COL19A1: variants seen among roughly 807,000 people sequenced by gnomAD.
COL19A1 encodes the protein collagen type XIX alpha 1 chain.
Under a neutral mutation model 190.2 loss-of-function variants are expected in COL19A1, and 159 were observed. That is an observed-to-expected ratio of 0.84 (90% CI 0.73 to 0.95). The LOEUF (loss-of-function observed/expected upper bound fraction) is 0.95, where lower values mean the gene tolerates loss of function less well. Among genes scored for constraint, COL19A1 ranks in the 40% least tolerant of loss-of-function variants. The pLI is 0.00. For synonymous variants in COL19A1, 509 were observed against 458.9 expected (o/e 1.11, Z -1.39); for missense variants, 1,418 against 1,431.9 (o/e 0.99, Z 0.16).
chr6:70,031,680 A>G (rs1004215212), intron 12 of COL19A1, among the ~76,000 whole-genome samples: 1 of 152,184 alleles, frequency 6.6e-6, no homozygotes, highest in Admixed American at 6.5e-5. Context: ...TTGTGTATAT[A>G]TAACACCTTT....
chr6:70,173,803 G>A (rs562781214), intron 41 of COL19A1, among the ~76,000 whole-genome samples: 4 of 152,252 alleles, frequency 2.6e-5, no homozygotes, highest in South Asian at 2.1e-4. Context: ...AAGTAGGGTC[G>A]AGGTTTTATA....
At chr6:69,896,418 T>C (rs1041154444) in intron 2 of COL19A1, among the ~76,000 whole-genome samples, 11 of 151,576 alleles carry the variant, frequency 7.3e-5, no homozygotes, top group Admixed American at 7.2e-4. Context: ...GTGCCTGTAG[T>C]CCCAGCTACT....
intron 46 of COL19A1, among the ~76,000 whole-genome samples, chr6:70,186,581 G>T (rs886367732): frequency 2.6e-5 from 4 of 152,244 alleles, no homozygotes; most frequent in Admixed American, 2.6e-4. Flanking sequence ...AGTAGTCATA[G>T]TTAAAAGAAT....
intron 1 of COL19A1, among the ~76,000 whole-genome samples, chr6:69,870,033 G>C (rs1183059923): frequency 2.6e-5 from 4 of 152,164 alleles, no homozygotes; most frequent in Non-Finnish European, 5.9e-5. Context: ...TATGTTCACT[G>C]AGCTTTCTTT....
intron 2 of COL19A1, chr6:69,890,518 G>A (rs1769274083): frequency 6.6e-6 from 1 of 152,112 alleles, no homozygotes; most frequent in Non-Finnish European, 1.5e-5. Flanking sequence ...TCTAGTCCAA[G>A]CTACCATCAT....
intron 4 of COL19A1, among the ~76,000 whole-genome samples, chr6:69,919,690 G>A (rs936567799): frequency 2.0e-5 from 3 of 151,996 alleles, no homozygotes; most frequent in African/African-American, 7.2e-5. Flanking sequence ...TTAATAAAAT[G>A]TTATTTTTTA....
At chr6:70,090,924 T>C (rs960154152) in intron 15 of COL19A1, among the ~76,000 whole-genome samples, 1 of 152,166 alleles carries the variant, frequency 6.6e-6, no homozygotes, top group Non-Finnish European at 1.5e-5. Flanking sequence ...TTCCCTCTAC[T>C]GGACAGCTTT....
intron 14 of COL19A1, among the ~76,000 whole-genome samples, chr6:70,041,446 T>C (rs1424972161): frequency 6.6e-6 from 1 of 152,128 alleles, no homozygotes; most frequent in African/African-American, 2.4e-5. Flanking sequence ...TCTTGTTAGA[T>C]TTTAAGTAAT....
intron 14 of COL19A1, among the ~76,000 whole-genome samples, chr6:70,061,446 G>A (rs1212741635): frequency 6.6e-6 from 1 of 151,912 alleles, no homozygotes; most frequent in Non-Finnish European, 1.5e-5. Context: ...CAGAGTCATG[G>A]TAACATCTAG....
intron 4 of COL19A1, among the ~76,000 whole-genome samples, chr6:69,903,605 A>G (rs1332805013): frequency 1.3e-5 from 2 of 152,160 alleles, no homozygotes; most frequent in African/African-American, 2.4e-5. Flanking sequence ...TTATCCATAA[A>G]TGCACCCATC....
chr6:70,137,408 T>G (rs1785939653), intron 18 of COL19A1, among the ~76,000 whole-genome samples: 1 of 152,190 alleles, frequency 6.6e-6, no homozygotes, highest in Non-Finnish European at 1.5e-5. Flanking sequence ...TAGATAGATA[T>G]TCTTTCCTGG....
At chr6:70,165,909 AC>A in intron 36 of COL19A1, 31 bp from the exon 37 acceptor site, 1 of 1,608,950 alleles carries the variant, frequency 6.2e-7, no homozygotes, top group Non-Finnish European at 8.5e-7. Flanking sequence ...AGAAACGTCT[AC>A]GCCGCTGATA....
intron 7 of COL19A1, among the ~76,000 whole-genome samples, chr6:69,936,386 T>C (rs1773112927): frequency 6.6e-6 from 1 of 152,154 alleles, no homozygotes; most frequent in Non-Finnish European, 1.5e-5. Flanking sequence ...AACCATATTT[T>C]ATAGGTTCAA....
At chr6:69,936,609 C>G (rs914317074) in intron 7 of COL19A1, among the ~76,000 whole-genome samples, 176 bp from the exon 8 acceptor site, 23 of 152,080 alleles carry the variant, frequency 1.5e-4, no homozygotes, top group Admixed American at 1.3e-4. Flanking sequence ...CCCATGGGCT[C>G]AGGCGGAAAG....
At chr6:69,939,267 G>A (rs1773304338) in intron 9 of COL19A1, among the ~76,000 whole-genome samples, 1 of 152,076 alleles carries the variant, frequency 6.6e-6, no homozygotes. Context: ...TGATTCTAAA[G>A]ACCACTTCAA....
At chr6:69,917,558 A>AT (rs1771388549) in intron 4 of COL19A1, among the ~76,000 whole-genome samples, 2 of 152,314 alleles carry the variant, frequency 1.3e-5, no homozygotes, top group East Asian at 3.9e-4. Context: ...CGGGCAATAA[A>AT]TATGTAAACC....
At chr6:69,883,809 C>T (rs111246773) in intron 2 of COL19A1, among the ~76,000 whole-genome samples, 1 of 152,248 alleles carries the variant, frequency 6.6e-6, no homozygotes, top group African/African-American at 2.4e-5. Context: ...CATTTTCAGT[C>T]TGAGTATTAG....
intron 4 of COL19A1, among the ~76,000 whole-genome samples, chr6:69,925,722 G>A (rs1470254853): frequency 6.6e-6 from 1 of 152,166 alleles, no homozygotes; most frequent in Non-Finnish European, 1.5e-5. Context: ...CCATGGGCAT[G>A]GAATGTTCTT....
chr6:70,030,436 C>T (rs895414001), intron 12 of COL19A1, among the ~76,000 whole-genome samples: 10 of 152,152 alleles, frequency 6.6e-5, no homozygotes, highest in African/African-American at 1.9e-4. Context: ...CTTGGAATCT[C>T]CCTGTGTGGT....
Sources: allele counts gnomAD v4.1 joint callset (sites outside exome capture counted in the v4.1 genomes callset), GRCh38; gene constraint gnomAD v4.1.1; transcripts MANE v1.5; gene names NCBI Gene and HGNC (gene_info 2026-07-23, HGNC 2026-07-21).